Variants in RBMS1 observed in about 807,000 individuals in gnomAD.
RBMS1 encodes RNA binding motif single stranded interacting protein 1, also known as RNA-binding motif, single-stranded-interacting protein 1.
RBMS1 carries 17 observed loss-of-function variants against 62.3 expected under a neutral mutation model. That is an observed-to-expected ratio of 0.27 (90% CI 0.19 to 0.41). The LOEUF (loss-of-function observed/expected upper bound fraction) is 0.41. Ranked by LOEUF, RBMS1 falls within the 10% of genes least tolerant of loss-of-function variation. The probability of loss-of-function intolerance (pLI) is 1.00; values close to 1 mark genes in which losing one functional copy is unlikely to be tolerated. For missense variants in RBMS1, 334 were observed against 504.5 expected (o/e 0.66, Z 3.24); for synonymous variants, 172 against 170.0 (o/e 1.01, Z -0.09).
At chr2:160,283,991 A>G (rs553006410) in intron 9 of RBMS1, 1 of 152,344 alleles carries the variant, frequency 6.6e-6, no homozygotes, top group East Asian at 1.9e-4. Context: ...ACAAAAATTT[A>G]GTCACACAGG....
chr2:160,330,439 T>TGAATGTAAG (rs1691199986), intron 2 of RBMS1, among the ~76,000 whole-genome samples: 1 of 152,072 alleles, frequency 6.6e-6, no homozygotes, highest in African/African-American at 2.4e-5. Context: ...AGGGGGATGG[T>TGAATGTAAG]GAATGTAAGA....
At chr2:160,408,793 CAGA>C (rs1355053604) in intron 1 of RBMS1, among the ~76,000 whole-genome samples, 1 of 152,190 alleles carries the variant, frequency 6.6e-6, no homozygotes, top group East Asian at 1.9e-4. Flanking sequence ...CTGTGCAGTG[CAGA>C]AGGCCTCCAC....
intron 2 of RBMS1, among the ~76,000 whole-genome samples, chr2:160,323,768 A>G (rs1407659055): frequency 6.6e-6 from 1 of 152,186 alleles, no homozygotes; most frequent in African/African-American, 2.4e-5. Flanking sequence ...CAGTAAAAAG[A>G]TGAAGAGTAA....
At chr2:160,335,216 T>A (rs908261942) in intron 2 of RBMS1, among the ~76,000 whole-genome samples, 17 of 152,146 alleles carry the variant, frequency 1.1e-4, no homozygotes, top group African/African-American at 2.2e-4. Context: ...GGAAATTTTT[T>A]AAATGTATTT....
chr2:160,377,994 G>C (rs1694088504), intron 1 of RBMS1, among the ~76,000 whole-genome samples: 2 of 152,122 alleles, frequency 1.3e-5, no homozygotes, highest in Admixed American at 1.3e-4. Context: ...TAAAAACTGA[G>C]TAAAATTGAT....
At chr2:160,424,725 T>C (rs978001866) in intron 1 of RBMS1, among the ~76,000 whole-genome samples, 2 of 152,158 alleles carry the variant, frequency 1.3e-5, no homozygotes, top group East Asian at 1.9e-4. Context: ...CAAATGACTA[T>C]ATGAATAGCA....
chr2:160,294,228 A>C (rs1157495253), intron 6 of RBMS1, among the ~76,000 whole-genome samples: 1 of 152,258 alleles, frequency 6.6e-6, no homozygotes, highest in Non-Finnish European at 1.5e-5. Flanking sequence ...ATTTAAAGAA[A>C]CATCTGCTAT....
intron 1 of RBMS1, among the ~76,000 whole-genome samples, chr2:160,450,563 T>TAAAA (rs71006605): frequency 1.2e-3 from 147 of 122,316 alleles, no homozygotes; most frequent in Admixed American, 2.0e-3. Flanking sequence ...AAATAAAAAA[T>TAAAA]GAAAAAAAAA....
intron 1 of RBMS1, among the ~76,000 whole-genome samples, chr2:160,449,697 C>T (rs933393474): frequency 6.6e-6 from 1 of 152,096 alleles, no homozygotes; most frequent in Admixed American, 6.5e-5. Flanking sequence ...GCGGAAGGCC[C>T]TAGGGTCCTC....
At chr2:160,339,901 G>A (rs1207629896) in intron 2 of RBMS1, among the ~76,000 whole-genome samples, 2 of 152,100 alleles carry the variant, frequency 1.3e-5, no homozygotes, top group Admixed American at 1.3e-4. Flanking sequence ...GTAACTCTAT[G>A]TCCTCATCCT....
intron 1 of RBMS1, among the ~76,000 whole-genome samples, chr2:160,371,630 G>C (rs1246193588): frequency 2.0e-5 from 3 of 152,206 alleles, no homozygotes; most frequent in African/African-American, 7.2e-5. Flanking sequence ...CGTGAATAAA[G>C]GGGTGGTTGT....
intron 1 of RBMS1, among the ~76,000 whole-genome samples, chr2:160,423,958 A>T (rs941209905): frequency 6.6e-6 from 1 of 151,836 alleles, no homozygotes; most frequent in Non-Finnish European, 1.5e-5. Flanking sequence ...CACTGTTACA[A>T]CTCTAGAAAG....
At chr2:160,294,785 T>C (rs1290667489) in intron 6 of RBMS1, among the ~76,000 whole-genome samples, 2 of 152,178 alleles carry the variant, frequency 1.3e-5, no homozygotes, top group African/African-American at 4.8e-5. Context: ...ATTTATGAAA[T>C]GTTATGTCTA....
chr2:160,396,279 A>C (rs921546359), intron 1 of RBMS1, among the ~76,000 whole-genome samples: 2 of 152,220 alleles, frequency 1.3e-5, no homozygotes. Flanking sequence ...TGGTTTGTGG[A>C]ATCTGTTTGA....
intron 2 of RBMS1, among the ~76,000 whole-genome samples, chr2:160,324,882 G>GTATATGTATATATATATA (rs1690809551): frequency 1.0e-5 from 1 of 100,016 alleles, no homozygotes. Flanking sequence ...GTGTGTGTGT[G>GTATATGTATATATATATA]TATATATATA....
At chr2:160,417,195 T>G (rs1435626466) in intron 1 of RBMS1, among the ~76,000 whole-genome samples, 3 of 152,170 alleles carry the variant, frequency 2.0e-5, no homozygotes, top group Non-Finnish European at 2.9e-5. Context: ...ATTTTCACCT[T>G]CTTTTCAAAA....
At chr2:160,482,018 G>GT (rs1489509637) in intron 1 of RBMS1, among the ~76,000 whole-genome samples, 17 of 152,208 alleles carry the variant, frequency 1.1e-4, no homozygotes, top group African/African-American at 3.9e-4. Context: ...GACAATTACA[G>GT]TAATTGTATT....
intron 4 of RBMS1, among the ~76,000 whole-genome samples, chr2:160,310,635 A>G (rs899533891): frequency 6.6e-6 from 1 of 152,174 alleles, no homozygotes; most frequent in African/African-American, 2.4e-5. Context: ...TTTATCCAAA[A>G]GCAAGGAGCT....
At chr2:160,311,209 A>AATCTATCTATCTATCT (rs756246053) in intron 4 of RBMS1, among the ~76,000 whole-genome samples, 7 of 57,730 alleles carry the variant, frequency 1.2e-4, no homozygotes, top group African/African-American at 3.3e-4. Context: ...AAAAAAAAAA[A>AATCTATCTATCTATCT]ATCTATCTAT....
Sources: allele counts gnomAD v4.1 joint callset (sites outside exome capture counted in the v4.1 genomes callset), GRCh38; gene constraint gnomAD v4.1.1; transcripts MANE v1.5; gene names NCBI Gene and HGNC (gene_info 2026-07-23, HGNC 2026-07-21).